Variants in ANKS1A observed in about 807,000 individuals in gnomAD.
ANKS1A encodes the protein ankyrin repeat and sterile alpha motif domain containing 1A.
In ANKS1A, 55 loss-of-function variants were observed where a neutral mutation model predicts 120.3. The observed-to-expected ratio is 0.46, with a 90% CI of 0.37 to 0.57. The LOEUF is 0.57. Ranked by LOEUF, ANKS1A falls within the 20% of genes least tolerant of loss-of-function variation. ANKS1A has a pLI of 0.00. For synonymous variants in ANKS1A, 590 were observed against 604.7 expected, an observed-to-expected ratio of 0.98 and a Z score of 0.36; for missense variants, 1,123 against 1,480.3, an observed-to-expected ratio of 0.76 and a Z score of 3.96.
intron 10 of ANKS1A, among the ~76,000 whole-genome samples, chr6:35,010,208 T>C (rs1279182475): frequency 6.6e-6 from 1 of 152,092 alleles, no homozygotes; most frequent in African/African-American, 2.4e-5. Context: ...GTAGAGCTTA[T>C]GTTTAGAGGC....
chr6:34,950,529 A>G (rs1040727952), intron 1 of ANKS1A, among the ~76,000 whole-genome samples: 2 of 152,058 alleles, frequency 1.3e-5, no homozygotes, highest in African/African-American at 4.8e-5. Flanking sequence ...GCGCCCGGCC[A>G]GGAAGACGTT....
Position 35,091,027 on chromosome 6 carries a change from T to A in ANKS1A, c.*2418T>A, listed in dbSNP as rs148905721. The stretch of plus-strand genomic sequence containing the variant: ...GCAGGCAGAGCTGCAGTCAGAGACA[T>A]TAGAAAACCAGTCTGAATTGGGTCT... On this transcript the variant is annotated 3_prime_UTR_variant, in exon 24 of 24. Coordinates refer to ENST00000360359, the MANE Select transcript of ANKS1A (RefSeq NM_015245.3). 2.5e-5 allele frequency: 25 copies of A among 985,874 alleles called. No homozygotes were observed. Among genetic ancestry groups the A allele is most frequent in the Middle Eastern group, 5.2e-4 (1 of 1,914 alleles). 61.1% of individuals were successfully genotyped at this position (985,874 alleles called of 1,614,324 possible). A position where few individuals can be genotyped will look rare whatever the true frequency, so the allele number is the denominator to read the frequency against.
At chr6:35,030,553 A>G (rs537685772) in intron 11 of ANKS1A, among the ~76,000 whole-genome samples, 2 of 152,332 alleles carry the variant, frequency 1.3e-5, no homozygotes, top group African/African-American at 4.8e-5. Context: ...GACTGGTTTA[A>G]AAATAATAAT....
At chr6:34,986,196 G>A (rs1035970175) in intron 8 of ANKS1A, among the ~76,000 whole-genome samples, 1 of 152,246 alleles carries the variant, frequency 6.6e-6, no homozygotes, top group Non-Finnish European at 1.5e-5. Context: ...TGGAAGGACA[G>A]TTTCTACTGA....
At chr6:34,991,601 CACAT>C (rs1323953343) in intron 9 of ANKS1A, among the ~76,000 whole-genome samples, 1 of 148,192 alleles carries the variant, frequency 6.7e-6, no homozygotes, top group African/African-American at 2.5e-5. Context: ...TATATATACA[CACAT>C]ATATATACGT....
In ANKS1A at chr6:35,037,090, G is replaced by A. The variant is rs532580758; in HGVS notation, c.2011-17009G>A. On this transcript the variant is annotated intron_variant, in intron 11 of 23. Transcript: ENST00000360359. ...CATAACACTAGCAATCAAATAAAAT[G>A]TAATGCAAGTTTTATCTGACATATT... Among the ~76,000 whole-genome samples the A allele has an allele frequency of 2.0e-4, 31 of 152,314 alleles. No individual in the cohort carries two copies. The East Asian group carries it at 5.6e-3, about 27-fold the overall frequency.
intron 11 of ANKS1A, among the ~76,000 whole-genome samples, chr6:35,033,421 A>T (rs1489658945): frequency 1.3e-5 from 2 of 152,168 alleles, no homozygotes; most frequent in Non-Finnish European, 2.9e-5. Context: ...ATGCTGGTGG[A>T]ATTCATTTGG....
At chr6:35,065,371 G>C (rs889837402) in intron 13 of ANKS1A, among the ~76,000 whole-genome samples, 2 of 152,184 alleles carry the variant, frequency 1.3e-5, no homozygotes, top group African/African-American at 4.8e-5. Context: ...CTGTTTTCAT[G>C]CCTGCTAATT....
At chr6:34,895,780 CTTTTTTTTT>C (rs995285475) in intron 1 of ANKS1A, among the ~76,000 whole-genome samples, 37 of 90,380 alleles carry the variant, frequency 4.1e-4, no homozygotes, top group East Asian at 8.8e-4. Context: ...GAATGTCTTT[CTTTTTTTTT>C]TTTTTTTTTT....
At chr6:34,942,132 T>G (rs546005955) in intron 1 of ANKS1A, among the ~76,000 whole-genome samples, 1 of 152,354 alleles carries the variant, frequency 6.6e-6, no homozygotes, top group East Asian at 1.9e-4. Context: ...TTCATAGTTT[T>G]TTGAGGATAG....
chr6:35,022,781 A>C (rs1033760497), intron 11 of ANKS1A, among the ~76,000 whole-genome samples: 1 of 152,234 alleles, frequency 6.6e-6, no homozygotes, highest in Non-Finnish European at 1.5e-5. Flanking sequence ...CATTCAATAC[A>C]TATCCAAATT....
chr6:35,081,015 A>G lies in ANKS1A; in HGVS notation c.2566A>G (p.Thr856Ala). The part of the protein sequence containing the change: ...QLRCQDLLSQ[T>A]SSPLSQNDSC... ...ACAGTGCCAAGATTTGCTCTCCCAGACGTCATCCCCACTGAGTCAGAATGA... is the reference window on the plus strand; with the variant it reads ...ACAGTGCCAAGATTTGCTCTCCCAGGCGTCATCCCCACTGAGTCAGAATGA... The change falls in exon 17 of 24, where the codon ACG (threonine) becomes GCG (alanine). Residue 856 changes from threonine to alanine, a missense_variant. Around this residue, in one of 3 missense-constraint regions of ANKS1A, gnomAD observed 904 missense variants for 1,130.4 expected, o/e 0.80. Transcript: ENST00000360359. 6.2e-7 allele frequency: 1 copy of G among 1,613,610 alleles called. No individual in the cohort carries two copies. Among genetic ancestry groups the G allele is most frequent in the Non-Finnish European group, 8.5e-7 (1 of 1,179,690 alleles).
chr6:34,975,439 G>A (rs1243845758), intron 3 of ANKS1A, among the ~76,000 whole-genome samples: 7 of 132,974 alleles, frequency 5.3e-5, no homozygotes, highest in African/African-American at 7.9e-5. Flanking sequence ...GGGCAACAGA[G>A]TGAGACTCAA....
chr6:35,087,594 C>T (rs1174556969), intron 23 of ANKS1A, among the ~76,000 whole-genome samples: 3 of 152,224 alleles, frequency 2.0e-5, no homozygotes, highest in Admixed American at 1.3e-4. Context: ...TGCTCACAGC[C>T]GGCCTGCAGC....
chr6:35,035,793 C>T (rs535299324), intron 11 of ANKS1A, among the ~76,000 whole-genome samples: 4 of 152,312 alleles, frequency 2.6e-5, no homozygotes, highest in East Asian at 1.9e-4. Context: ...CGTTTCCTGC[C>T]GGTTTCCTGT....
intron 13 of ANKS1A, among the ~76,000 whole-genome samples, chr6:35,063,147 C>T (rs559896398): frequency 6.6e-5 from 10 of 152,274 alleles, no homozygotes; most frequent in African/African-American, 2.4e-4. Flanking sequence ...GCCAGGTGCT[C>T]CCTAGGATGG....
intron 1 of ANKS1A, among the ~76,000 whole-genome samples, chr6:34,895,172 C>A (rs1767008732): frequency 6.8e-6 from 1 of 146,954 alleles, no homozygotes. Context: ...AGAAAGCTTC[C>A]TAATATTTAT....
intron 11 of ANKS1A, among the ~76,000 whole-genome samples, chr6:35,033,556 G>C (rs377017952): frequency 9.2e-5 from 14 of 152,208 alleles, no homozygotes; most frequent in African/African-American, 3.4e-4. Context: ...CCATGCTCCA[G>C]TTCAGATAAC....
rs749363969 is a variant in ANKS1A at position 35,088,612 on chromosome 6, C to T, written c.*3C>T. 1.2e-6 allele frequency: 2 copies of T among 1,614,234 alleles called. No homozygotes were observed. Among genetic ancestry groups the T allele is most frequent in the Admixed American group, 3.3e-5 (2 of 60,026 alleles). ...ATTGTTTGCTTCTGCCAAGCTGAGC[C>T]ACTGAGGAACCACACTGTGCTGCGG... On this transcript the variant is annotated 3_prime_UTR_variant, in exon 24 of 24. Coordinates refer to ENST00000360359, the MANE Select transcript of ANKS1A (RefSeq NM_015245.3).
Sources: gnomAD v4.1 joint callset for allele counts (sites outside exome capture counted in the v4.1 genomes callset) on GRCh38, gnomAD v4.1.1 for gene constraint, gnomAD v4.1.1 regional missense constraint, MANE v1.5 for transcripts, NCBI Gene and HGNC (gene_info 2026-07-23, HGNC 2026-07-21) for gene names.